TRPM3: variants seen among roughly 807,000 people sequenced by gnomAD.
TRPM3 encodes the protein transient receptor potential cation channel subfamily M member 3.
Under a neutral mutation model 181.2 loss-of-function variants are expected in TRPM3, and 77 were observed. That is an observed-to-expected ratio of 0.42 (90% confidence interval 0.35 to 0.51). The LOEUF (loss-of-function observed/expected upper bound fraction) is 0.51. TRPM3 is among the 20% of genes least tolerant of loss of function. The probability of loss-of-function intolerance (pLI) is 0.01; values close to 1 mark genes in which losing one functional copy is unlikely to be tolerated. For synonymous variants in TRPM3, 745 were observed against 796.4 expected, an observed-to-expected ratio of 0.94 and a Z score of 1.09; for missense variants, 1,759 against 2,196.7, an observed-to-expected ratio of 0.80 and a Z score of 3.98.
At chr9:71,089,864 G>C (rs1432615890) in intron 1 of TRPM3, among the ~76,000 whole-genome samples, 6 of 152,076 alleles carry the variant, frequency 3.9e-5, no homozygotes, top group African/African-American at 1.4e-4. Flanking sequence ...ACATCAGGGT[G>C]TCCAATCTTT....
chr9:71,030,228 T>C (rs1201519870), intron 1 of TRPM3, among the ~76,000 whole-genome samples: 1 of 152,206 alleles, frequency 6.6e-6, no homozygotes, highest in East Asian at 1.9e-4. Context: ...TTTAAAAATA[T>C]TTTGCCATTG....
chr9:70,554,727 C>A (rs930972097), intron 22 of TRPM3, among the ~76,000 whole-genome samples: 5 of 152,108 alleles, frequency 3.3e-5, no homozygotes, highest in African/African-American at 1.2e-4. Context: ...TTTTGACATG[C>A]TCTGAGGCCC....
intron 1 of TRPM3, among the ~76,000 whole-genome samples, chr9:71,273,555 T>C (rs2083965356): frequency 6.6e-6 from 1 of 152,192 alleles, no homozygotes; most frequent in Admixed American, 6.5e-5. Flanking sequence ...AAGGTTGTCA[T>C]TAAGGGTGTC....
intron 18 of TRPM3, among the ~76,000 whole-genome samples, chr9:70,615,663 T>C (rs181745787): frequency 3.8e-4 from 58 of 152,350 alleles, no homozygotes; most frequent in Admixed American, 1.8e-3. Flanking sequence ...TAGAATTTCA[T>C]TGGTTTGTCC....
At position 70,787,184 on chromosome 9, in the gene TRPM3, G is replaced by T. The variant is rs147285394; in HGVS notation, c.974-2905C>A. 1.2e-3 allele frequency among the ~76,000 whole-genome samples: 187 copies of T among 152,248 alleles called. 1 individual carries two copies. Among genetic ancestry groups the T allele is most frequent in the Non-Finnish European group, 2.0e-3 (138 of 68,012 alleles). On this transcript the variant is annotated intron_variant, in intron 6 of 25. Transcript: ENST00000677713. ...AGTACAGAAAGATTTTCAGGATAAT[G>T]ATTTCCTATATTTGAACTGAAACTA...
intron 1 of TRPM3, among the ~76,000 whole-genome samples, chr9:70,991,177 A>G (rs1294750777): frequency 6.6e-6 from 1 of 152,118 alleles, no homozygotes; most frequent in East Asian, 1.9e-4. Flanking sequence ...GGGGCTCTTA[A>G]CCTAGATTCA....
intron 1 of TRPM3, among the ~76,000 whole-genome samples, chr9:71,171,032 C>G (rs568019974): frequency 7.3e-5 from 4 of 54,664 alleles, no homozygotes; most frequent in African/African-American, 2.1e-4. Flanking sequence ...TATAAACAGC[C>G]CCCCCCAGGT....
At chr9:71,059,891 T>C (rs2061110559) in intron 1 of TRPM3, among the ~76,000 whole-genome samples, 1 of 151,984 alleles carries the variant, frequency 6.6e-6, no homozygotes, top group Non-Finnish European at 1.5e-5. Context: ...AGAAACCTAA[T>C]AACTGGAGCA....
chr9:71,404,553 C>A (rs2093401160), intron 1 of TRPM3, among the ~76,000 whole-genome samples: 1 of 152,166 alleles, frequency 6.6e-6, no homozygotes, highest in South Asian at 2.1e-4. Context: ...CAGACAGACC[C>A]TGGCCATCTC....
intron 1 of TRPM3, among the ~76,000 whole-genome samples, chr9:71,064,060 C>T (rs948761671): frequency 6.6e-6 from 1 of 152,026 alleles, no homozygotes; most frequent in African/African-American, 2.4e-5. Context: ...ATGGAGTTCC[C>T]ATTAAAGAAG....
chr9:70,934,712 C>T (rs1036461990), intron 1 of TRPM3, among the ~76,000 whole-genome samples: 10 of 152,042 alleles, frequency 6.6e-5, no homozygotes, highest in African/African-American at 2.4e-4. Context: ...ACTACATTTC[C>T]TTTATTTCTC....
At chr9:70,787,740 CAATTTCAGGG>C (rs2084016872) in intron 6 of TRPM3, among the ~76,000 whole-genome samples, 1 of 117,272 alleles carries the variant, frequency 8.5e-6, no homozygotes, top group South Asian at 3.2e-4. Context: ...TGTTTCTATG[CAATTTCAGGG>C]ACTTTTTGGA....
chr9:71,224,737 G>C (rs539665829), intron 1 of TRPM3, among the ~76,000 whole-genome samples: 2 of 151,580 alleles, frequency 1.3e-5, no homozygotes, highest in South Asian at 2.1e-4. Flanking sequence ...AGAAAATCTG[G>C]AGTTGAAAAA....
chr9:70,752,285 G>A (rs78086404), intron 8 of TRPM3, among the ~76,000 whole-genome samples: 5,190 of 152,246 alleles, frequency 0.034, 125 homozygotes, highest in Non-Finnish European at 0.049. Context: ...GTGGAAACCT[G>A]CTTTATGAAA....
At chr9:71,432,323 C>CTTTTTTTTTTTTTTTTT (rs67905820) in intron 1 of TRPM3, among the ~76,000 whole-genome samples, 2 of 76,620 alleles carry the variant, frequency 2.6e-5, no homozygotes, top group African/African-American at 4.8e-5. Flanking sequence ...AAAAGTAGGA[C>CTTTTTTTTTTTTTTTTT]TTTTTTTTTT....
intron 9 of TRPM3, among the ~76,000 whole-genome samples, chr9:70,678,919 A>C (rs2134201575): frequency 6.6e-6 from 1 of 152,370 alleles, no homozygotes; most frequent in East Asian, 1.9e-4. Flanking sequence ...ATGGGTCAGC[A>C]ACTGAGAGCA....
intron 6 of TRPM3, among the ~76,000 whole-genome samples, chr9:70,790,206 T>G (rs1156785138): frequency 6.6e-6 from 1 of 152,212 alleles, no homozygotes; most frequent in Non-Finnish European, 1.5e-5. Flanking sequence ...GATAATCTAT[T>G]TGCTGTTGGA....
chr9:70,687,042 G>A (rs941679631), intron 8 of TRPM3, among the ~76,000 whole-genome samples: 2 of 151,762 alleles, frequency 1.3e-5, no homozygotes, highest in East Asian at 2.0e-4. Context: ...TGATCTGCCC[G>A]TCTTGGCCTC....
intron 6 of TRPM3, among the ~76,000 whole-genome samples, chr9:70,792,932 T>C (rs1012647736): frequency 6.6e-6 from 1 of 152,128 alleles, no homozygotes; most frequent in African/African-American, 2.4e-5. Context: ...AAAATACAAC[T>C]GAATATATAT....
Sources: gnomAD v4.1 joint callset for allele counts (sites outside exome capture counted in the v4.1 genomes callset) on GRCh38, gnomAD v4.1.1 for gene constraint, MANE v1.5 for transcripts, NCBI Gene and HGNC (gene_info 2026-07-23, HGNC 2026-07-21) for gene names.